MACROD2: variants seen among roughly 807,000 people sequenced by gnomAD.
MACROD2 encodes mono-ADP ribosylhydrolase 2.
A neutral mutation model predicts 70.4 loss-of-function variants in MACROD2; 36 were observed. The ratio of observed to expected loss-of-function variants is 0.51; its 90% CI spans 0.39 to 0.68. The LOEUF (loss-of-function observed/expected upper bound fraction) is 0.68. Ranked by LOEUF, MACROD2 falls within the 30% of genes least tolerant of loss-of-function variation. The probability of loss-of-function intolerance (pLI) is 0.00; values close to 1 mark genes in which losing one functional copy is unlikely to be tolerated. For synonymous variants in MACROD2, 172 were observed against 178.8 expected, an observed-to-expected ratio of 0.96 and a Z score of 0.30; for missense variants, 496 against 538.4, an observed-to-expected ratio of 0.92 and a Z score of 0.78.
intron 3 of MACROD2, among the ~76,000 whole-genome samples, chr20:14,491,025 A>G (rs1361663196): frequency 2.0e-5 from 3 of 152,166 alleles, no homozygotes; most frequent in Non-Finnish European, 4.4e-5. Context: ...ATCTCAATCT[A>G]TTGGAGATAA....
chr20:15,233,617 C>A (rs1049839225), intron 6 of MACROD2, among the ~76,000 whole-genome samples: 23 of 151,992 alleles, frequency 1.5e-4, no homozygotes, highest in African/African-American at 5.3e-4. Flanking sequence ...GTTCTCCATG[C>A]ATTGTTTGTA....
At chr20:15,970,530 G>C (rs1234879417) in intron 13 of MACROD2, among the ~76,000 whole-genome samples, 2 of 152,148 alleles carry the variant, frequency 1.3e-5, no homozygotes, top group East Asian at 1.9e-4. Context: ...GGTGAGCCCT[G>C]TGATTGCCCA....
At chr20:14,216,913 G>T (rs1449385061) in intron 3 of MACROD2, among the ~76,000 whole-genome samples, 1 of 152,092 alleles carries the variant, frequency 6.6e-6, no homozygotes, top group African/African-American at 2.4e-5. Flanking sequence ...TTCTGGAGGA[G>T]TCCTTAGGGT....
chr20:14,708,899 T>C (rs1353437016), intron 5 of MACROD2, among the ~76,000 whole-genome samples: 3 of 152,194 alleles, frequency 2.0e-5, no homozygotes, highest in Non-Finnish European at 4.4e-5. Flanking sequence ...ATTACAGGTG[T>C]GAGCCACCGT....
intron 5 of MACROD2, among the ~76,000 whole-genome samples, chr20:14,812,307 A>G (rs1275917564): frequency 6.6e-6 from 1 of 152,032 alleles, no homozygotes; most frequent in Non-Finnish European, 1.5e-5. Flanking sequence ...ATTCTCAGCA[A>G]ACTAACACAG....
intron 13 of MACROD2, among the ~76,000 whole-genome samples, chr20:15,970,321 T>C (rs1297962159): frequency 6.6e-6 from 1 of 152,208 alleles, no homozygotes; most frequent in African/African-American, 2.4e-5. Context: ...ATATTGATGG[T>C]ATAAATCAAT....
chr20:15,475,648 G>A (rs985671305), intron 7 of MACROD2, among the ~76,000 whole-genome samples: 4 of 152,202 alleles, frequency 2.6e-5, no homozygotes, highest in East Asian at 3.9e-4. Flanking sequence ...AGCCCTGGCC[G>A]CCTGCCACAC....
intron 2 of MACROD2, among the ~76,000 whole-genome samples, chr20:14,050,554 C>T (rs2053552186): frequency 6.6e-6 from 1 of 152,052 alleles, no homozygotes; most frequent in Non-Finnish European, 1.5e-5. Flanking sequence ...AGTTCTGGAA[C>T]ACTATTCACA....
intron 8 of MACROD2, among the ~76,000 whole-genome samples, chr20:15,602,666 A>G (rs2048838269): frequency 6.6e-6 from 1 of 152,222 alleles, no homozygotes; most frequent in Admixed American, 6.5e-5. Context: ...TATCCAGAAA[A>G]CAGAAGCCTC....
Position 15,969,088 on chromosome 20 carries a change from T to G in MACROD2, c.985+1458T>G, listed in dbSNP as rs533681171. 1.4e-3 allele frequency among the ~76,000 whole-genome samples: 216 copies of G among 152,050 alleles called. 1 individual carries two copies. Among genetic ancestry groups the G allele is most frequent in the African/African-American group, 5.0e-3 (207 of 41,504 alleles). On this transcript the variant is annotated intron_variant, in intron 13 of 17. Coordinates refer to ENST00000684519, the MANE Select transcript of MACROD2 (RefSeq NM_001351661.2). ...TTGGGGTTGAAACCCCAAAGATACG[T>G]AACCTAGCAGGAAGAATGAACGAGC...
At chr20:15,052,502 T>C (rs1270530460) in intron 5 of MACROD2, among the ~76,000 whole-genome samples, 1 of 152,210 alleles carries the variant, frequency 6.6e-6, no homozygotes, top group African/African-American at 2.4e-5. Context: ...TTTATAGTGA[T>C]CCGTAGTCAG....
intron 3 of MACROD2, among the ~76,000 whole-genome samples, chr20:14,122,115 G>A (rs1242957544): frequency 6.6e-6 from 1 of 152,146 alleles, no homozygotes; most frequent in Non-Finnish European, 1.5e-5. Flanking sequence ...TTCTAAACCT[G>A]CTAGTCTTGC....
intron 13 of MACROD2, among the ~76,000 whole-genome samples, chr20:15,981,370 A>T (rs1481951551): frequency 1.3e-5 from 2 of 152,190 alleles, no homozygotes; most frequent in African/African-American, 4.8e-5. Flanking sequence ...TTACAGAATG[A>T]GTGAATTCTT....
chr20:15,785,499 G>C (rs1197438467), intron 8 of MACROD2, among the ~76,000 whole-genome samples: 1 of 152,196 alleles, frequency 6.6e-6, no homozygotes, highest in Non-Finnish European at 1.5e-5. Context: ...AAGTGACTCA[G>C]TAGGGGAGAA....
intron 3 of MACROD2, among the ~76,000 whole-genome samples, chr20:14,298,719 G>T (rs147730478): frequency 7.9e-4 from 118 of 149,822 alleles, no homozygotes; most frequent in Non-Finnish European, 1.4e-3. Flanking sequence ...ATGGGAGGAG[G>T]TCTGAGTATC....
At chr20:15,220,058 G>A (rs1485838405) in intron 5 of MACROD2, among the ~76,000 whole-genome samples, 1 of 149,202 alleles carries the variant, frequency 6.7e-6, no homozygotes, top group Non-Finnish European at 1.5e-5. Context: ...GAGTGTGATA[G>A]TGTTAGAATC....
intron 5 of MACROD2, among the ~76,000 whole-genome samples, chr20:15,005,480 T>C (rs1008462409): frequency 2.4e-4 from 37 of 152,196 alleles, no homozygotes; most frequent in African/African-American, 8.9e-4. Context: ...CAAATATTCT[T>C]GTTGTTGGAG....
At chr20:14,887,144 A>G (rs1161098147) in intron 5 of MACROD2, among the ~76,000 whole-genome samples, 1 of 152,100 alleles carries the variant, frequency 6.6e-6, no homozygotes. Flanking sequence ...GTGTGCATAC[A>G]TGTGTGCATG....
intron 6 of MACROD2, among the ~76,000 whole-genome samples, chr20:15,321,544 C>A (rs1014814126): frequency 6.9e-6 from 1 of 143,914 alleles, no homozygotes; most frequent in South Asian, 2.3e-4. Flanking sequence ...TAAAACAAAT[C>A]CTCTAAGAAT....
Sources: allele counts gnomAD v4.1 joint callset (sites outside exome capture counted in the v4.1 genomes callset), GRCh38; gene constraint gnomAD v4.1.1; transcripts MANE v1.5; gene names NCBI Gene and HGNC (gene_info 2026-07-23, HGNC 2026-07-21).